The following ZNF469 variants were observed in gnomAD, a reference collection of about 807,000 sequenced individuals.
ZNF469 encodes the protein zinc finger protein 469.
ZNF469 carries 1 observed loss-of-function variant against 1.0 expected under a neutral mutation model. That is an observed-to-expected ratio of 1.00 (90% CI 0.35 to 4.73). The LOEUF is 4.73. ZNF469 is among the 30% of genes most tolerant of loss of function. ZNF469 has a pLI of 0.16. For missense variants in ZNF469, 6,100 were observed against 5,356.3 expected (o/e 1.14, Z -4.33); for synonymous variants, 2,703 against 2,363.4 (o/e 1.14, Z -4.17).
chr16:88,434,681 G>T lies in ZNF469; in HGVS notation c.7211G>T (p.Gly2404Val), dbSNP rs1906443236. 1 of 1,550,268 alleles carries T rather than the reference G, an allele frequency of 6.5e-7. No individual in the cohort carries two copies. Among genetic ancestry groups the T allele is most frequent in the South Asian group, 1.2e-5 (1 of 84,058 alleles). The change falls in exon 3 of 3, where the codon GGC becomes GTC. Residue 2404 changes from glycine to valine, a missense_variant. Physicochemically the swap from Gly to Val is moderately radical, Grantham distance 109. Coordinates refer to ENST00000565624, the MANE Select transcript of ZNF469 (RefSeq NM_001367624.2). ...PRVTCPSTGL[G>V]LGRTTAPSST... Reference sequence around the variant, plus strand: ...GTCACCTGCCCTTCCACAGGACTGGGCTTGGGAAGAACCACAGCCCCAAGC... The same window carrying T: ...GTCACCTGCCCTTCCACAGGACTGGTCTTGGGAAGAACCACAGCCCCAAGC...
chr16:88,194,156 T>C, the ZNF469 span: 5 of 152,130 alleles, frequency 3.3e-5, no homozygotes, highest in African/African-American at 1.2e-4. Flanking sequence ...CTACTGATCA[T>C]CCTCTTCCTA....
chr16:88,426,784 G>T (rs2142295828), intron 2 of ZNF469, among the ~76,000 whole-genome samples: 1 of 143,510 alleles, frequency 7.0e-6, no homozygotes, highest in South Asian at 2.4e-4. Context: ...CGGCAGGGGA[G>T]TCCCCGCTTG....
At chr16:88,113,654 AAGGGCC>A in the ZNF469 span, among the ~76,000 whole-genome samples, 1 of 152,190 alleles carries the variant, frequency 6.6e-6, no homozygotes, top group South Asian at 2.1e-4. Context: ...CTCGCAGCTG[AAGGGCC>A]TATCGTAGGT....
At chr16:88,181,013 A>G in the ZNF469 span, among the ~76,000 whole-genome samples, 58 of 152,244 alleles carry the variant, frequency 3.8e-4, no homozygotes, top group African/African-American at 1.3e-3. Context: ...TCACAATATC[A>G]TCCAAATTGA....
At chr16:88,418,114 GC>G (rs2142288299) in intron 1 of ZNF469, among the ~76,000 whole-genome samples, 1 of 152,318 alleles carries the variant, frequency 6.6e-6, no homozygotes, top group South Asian at 2.1e-4. Flanking sequence ...GGGCTCCTGA[GC>G]ACCAACTCCC....
the ZNF469 span, among the ~76,000 whole-genome samples, chr16:88,279,258 G>A: frequency 2.2e-4 from 32 of 146,216 alleles, no homozygotes; most frequent in Middle Eastern, 4.2e-3. Context: ...CCACGCCGAT[G>A]CTCGGTCAGT....
At chr16:88,186,141 G>T in the ZNF469 span, among the ~76,000 whole-genome samples, 1 of 152,260 alleles carries the variant, frequency 6.6e-6, no homozygotes, top group Admixed American at 6.5e-5. Flanking sequence ...TTCCTGTGGA[G>T]TGTATTCGAC....
chr16:88,231,748 C>T, the ZNF469 span, among the ~76,000 whole-genome samples: 24 of 152,194 alleles, frequency 1.6e-4, no homozygotes, highest in Admixed American at 1.6e-3. This position sits in a 1 kb window ranked among gnomAD's most constrained non-coding sequence, Gnocchi z 4.5. Flanking sequence ...TGACACTGAG[C>T]CACCGGGACA....
At chr16:88,348,941 G>A in the ZNF469 span, among the ~76,000 whole-genome samples, 1 of 152,250 alleles carries the variant, frequency 6.6e-6, no homozygotes, top group East Asian at 1.9e-4. Flanking sequence ...ACAGGGTAGG[G>A]CTCACCACAG....
rs1906746013 is a variant in ZNF469, at chr16:88,438,283, G to C, written c.10813G>C (p.Gly3605Arg). 6.5e-7 allele frequency: 1 copy of C among 1,548,160 alleles called. No homozygotes were observed. Among genetic ancestry groups the C allele is most frequent in the South Asian group, 1.2e-5 (1 of 84,026 alleles). Residue 3605 changes from glycine to arginine, a missense_variant, in exon 3 of 3, where the codon GGA becomes CGA. Transcript: ENST00000565624. ...TCTGGGGGCATCTCTGCCGCGGCCGGGAGCCAGAGGCCAAGATGCGGAGGG... is the reference window on the plus strand; with the variant it reads ...TCTGGGGGCATCTCTGCCGCGGCCGCGAGCCAGAGGCCAAGATGCGGAGGG... ...LPLGASLPRPGARGQDAEGKR... is the reference protein window; with the variant it reads ...LPLGASLPRPRARGQDAEGKR...
the ZNF469 span, among the ~76,000 whole-genome samples, chr16:88,273,144 G>T: frequency 6.6e-6 from 1 of 152,082 alleles, no homozygotes; most frequent in African/African-American, 2.4e-5. Context: ...TGAGTGAGTG[G>T]GTGGATGGAT....
At chr16:88,228,669 C>G in the ZNF469 span, among the ~76,000 whole-genome samples, 1 of 152,124 alleles carries the variant, frequency 6.6e-6, no homozygotes, top group Admixed American at 6.5e-5. Flanking sequence ...GATAAAGGAC[C>G]AAAAAGACAC....
the ZNF469 span, among the ~76,000 whole-genome samples, chr16:88,286,688 A>G: frequency 3.3e-5 from 5 of 152,242 alleles, no homozygotes; most frequent in East Asian, 1.9e-4. Flanking sequence ...GAGGCTCCCA[A>G]TGACTGACAG....
chr16:88,146,526 C>G, the ZNF469 span, among the ~76,000 whole-genome samples: 1 of 152,090 alleles, frequency 6.6e-6, no homozygotes, highest in African/African-American at 2.4e-5. Context: ...AGTCTCAGCC[C>G]CCGTGGGGTT....
the ZNF469 span, among the ~76,000 whole-genome samples, chr16:88,316,661 C>G: frequency 6.6e-6 from 1 of 150,972 alleles, no homozygotes; most frequent in Non-Finnish European, 1.5e-5. Context: ...ATTCTCCTGC[C>G]TCAGCCTCCC....
the ZNF469 span, among the ~76,000 whole-genome samples, chr16:88,245,335 A>G: frequency 6.6e-6 from 1 of 152,204 alleles, no homozygotes; most frequent in African/African-American, 2.4e-5. Flanking sequence ...GTGGGAGCAG[A>G]GCTGTTTCTC....
the ZNF469 span, among the ~76,000 whole-genome samples, chr16:88,210,378 A>G: frequency 6.6e-6 from 1 of 151,964 alleles, no homozygotes; most frequent in Non-Finnish European, 1.5e-5. Flanking sequence ...TAACCATGGA[A>G]AAGTGGTTCT....
chr16:88,370,862 C>A, the ZNF469 span, among the ~76,000 whole-genome samples: 1 of 152,200 alleles, frequency 6.6e-6, no homozygotes, highest in East Asian at 1.9e-4. Context: ...GTAGAAAAAG[C>A]TTGGAAAGTT....
the ZNF469 span, among the ~76,000 whole-genome samples, chr16:88,322,407 G>T: frequency 6.6e-6 from 1 of 152,256 alleles, no homozygotes; most frequent in Non-Finnish European, 1.5e-5. Flanking sequence ...GGTCTCGGGA[G>T]CCCCGCCCTG....
Sources: gnomAD v4.1 joint callset for allele counts (sites outside exome capture counted in the v4.1 genomes callset) on GRCh38, gnomAD v4.1.1 for gene constraint, Gnocchi (gnomAD v3.1) non-coding constraint, MANE v1.5 for transcripts, NCBI Gene and HGNC (gene_info 2026-07-23, HGNC 2026-07-21) for gene names.